PDE4D: variants seen among roughly 807,000 people sequenced by gnomAD.
PDE4D encodes phosphodiesterase 4D.
Under a neutral mutation model 87.4 loss-of-function variants are expected in PDE4D, and 24 were observed. The observed-to-expected ratio is 0.27, with a 90% CI of 0.20 to 0.39. PDE4D has a LOEUF of 0.39. Among genes scored for constraint, PDE4D ranks in the 10% least tolerant of loss-of-function variants. The pLI is 1.00. For missense variants in PDE4D, 714 were observed against 1,041.0 expected, an observed-to-expected ratio of 0.69 and a Z score of 4.32; for synonymous variants, 384 against 383.2, an observed-to-expected ratio of 1.00 and a Z score of -0.02.
intron 2 of PDE4D, among the ~76,000 whole-genome samples, chr5:60,034,206 G>C (rs1290415401): frequency 1.3e-5 from 2 of 152,218 alleles, no homozygotes; most frequent in Non-Finnish European, 2.9e-5. Flanking sequence ...AACATAGCTA[G>C]AGACAGGGTT....
At chr5:59,686,441 G>C (rs908457341) in intron 1 of PDE4D, among the ~76,000 whole-genome samples, 1 of 152,064 alleles carries the variant, frequency 6.6e-6, no homozygotes, top group African/African-American at 2.4e-5. Flanking sequence ...TCAGATTCTA[G>C]AGCCCACTTT....
At chr5:59,484,783 ACTGT>A (rs1465849135) in intron 1 of PDE4D, among the ~76,000 whole-genome samples, 3 of 152,196 alleles carry the variant, frequency 2.0e-5, no homozygotes, top group Non-Finnish European at 4.4e-5. Context: ...TCTGACAGTA[ACTGT>A]CTGGCTCTAG....
intron 1 of PDE4D, among the ~76,000 whole-genome samples, chr5:60,421,528 C>T (rs1362507178): frequency 2.0e-5 from 3 of 152,160 alleles, no homozygotes; most frequent in Admixed American, 2.0e-4. Flanking sequence ...CACCAAAACC[C>T]CATCTGTAGG....
In PDE4D at chr5:60,110,324, G is replaced by GA. The variant is rs201481187; in HGVS notation, c.42+75232dup. ...TACAAGGAACTCAAACAATTCAACA[G>GA]AAAAAAACAAATAAGGTGATTCAAA... is the stretch of plus-strand genomic sequence containing the variant. On this transcript the variant is annotated intron_variant, in intron 2 of 16. Coordinates refer to the PDE4D transcript ENST00000502484. Among the ~76,000 whole-genome samples the GA allele has an allele frequency of 7.4e-3, 1,125 of 151,904 alleles. 13 individuals are homozygous for GA. The highest frequency in any genetic ancestry group is 0.026 in the African/African-American group (1,079 of 41,476).
At chr5:59,722,355 A>C (rs771433593) in intron 1 of PDE4D, among the ~76,000 whole-genome samples, 1 of 152,210 alleles carries the variant, frequency 6.6e-6, no homozygotes, top group Non-Finnish European at 1.5e-5. Context: ...GAACAACCTG[A>C]ATTTAAAAGG....
chr5:59,492,371 G>A (rs1478690584), intron 1 of PDE4D, among the ~76,000 whole-genome samples: 1 of 152,156 alleles, frequency 6.6e-6, no homozygotes, highest in Non-Finnish European at 1.5e-5. Context: ...GGGAGAGTGA[G>A]GTTGCTCACA....
At chr5:59,404,013 A>T (rs1205144346) in intron 1 of PDE4D, among the ~76,000 whole-genome samples, 1 of 152,140 alleles carries the variant, frequency 6.6e-6, no homozygotes, top group Non-Finnish European at 1.5e-5. Flanking sequence ...GGGTGAGATA[A>T]TATTTAACTG....
At position 60,363,419 on chromosome 5, in the gene PDE4D, C is replaced by T. The variant is rs760728448; in HGVS notation, c.-90+124523G>A. 8.9e-4 allele frequency among the ~76,000 whole-genome samples: 135 copies of T among 152,258 alleles called. 1 individual carries two copies. Among genetic ancestry groups the T allele is most frequent in the Middle Eastern group, 3.4e-3 (1 of 294 alleles). ...AATTACATACCAATCAAGAGTCAAA[C>T]AGATTACAAGTAAAGCCACTGAATG... On this transcript the variant is annotated intron_variant, in intron 1 of 16. Transcript: ENST00000502484.
intron 1 of PDE4D, among the ~76,000 whole-genome samples, chr5:59,296,218 A>G (rs1216098063): frequency 6.6e-6 from 1 of 152,088 alleles, no homozygotes; most frequent in African/African-American, 2.4e-5. Flanking sequence ...TGGCTAATGC[A>G]TCAGTAGGGT....
At chr5:60,116,223 C>T (rs1393282915) in intron 2 of PDE4D, among the ~76,000 whole-genome samples, 1 of 152,080 alleles carries the variant, frequency 6.6e-6, no homozygotes, top group African/African-American at 2.4e-5. Context: ...GTCTCTCTTA[C>T]ATCTTCAGCA....
chr5:59,560,291 C>T (rs756129122), intron 1 of PDE4D, among the ~76,000 whole-genome samples: 1 of 152,014 alleles, frequency 6.6e-6, no homozygotes, highest in Admixed American at 6.6e-5. Context: ...TATTATGAAC[C>T]CACTACACGC....
chr5:60,468,130 C>CT (rs370784270), intron 1 of PDE4D, among the ~76,000 whole-genome samples: 1 of 126,186 alleles, frequency 7.9e-6, no homozygotes, highest in Non-Finnish European at 1.7e-5. Context: ...AACTTTCTTT[C>CT]TTTTTTCTTT....
At chr5:59,552,094 C>T (rs1343563045) in intron 1 of PDE4D, among the ~76,000 whole-genome samples, 1 of 152,128 alleles carries the variant, frequency 6.6e-6, no homozygotes, top group Non-Finnish European at 1.5e-5. Flanking sequence ...TGGTGGATGT[C>T]TGTAGACCTA....
chr5:59,193,461 A>G lies in PDE4D; in HGVS notation c.684+39T>C, dbSNP rs777597869. Reference sequence around the variant, plus strand: ...CTAATTCCCCAAATTAAATTTTTACATCTGTGAGAAACCTGCCCATTCACC... The same window carrying G: ...CTAATTCCCCAAATTAAATTTTTACGTCTGTGAGAAACCTGCCCATTCACC... On this transcript the variant is annotated intron_variant, in intron 3 of 14. Coordinates refer to ENST00000340635, the MANE Select transcript of PDE4D (RefSeq NM_001104631.2). 65 of 1,587,448 alleles carry G rather than the reference A, an allele frequency of 4.1e-5. 1 individual carries two copies. The South Asian group carries it at 7.1e-4, about 17-fold the overall frequency.
At chr5:59,013,408 A>G (rs1295955868) in intron 6 of PDE4D, among the ~76,000 whole-genome samples, 1 of 152,222 alleles carries the variant, frequency 6.6e-6, no homozygotes, top group Non-Finnish European at 1.5e-5. Flanking sequence ...CACTAGCAAG[A>G]CTAATAAAGA....
chr5:59,185,421 C>A (rs1320662249), intron 3 of PDE4D, among the ~76,000 whole-genome samples, 159 bp from the exon 4 acceptor site: 1 of 152,122 alleles, frequency 6.6e-6, no homozygotes, highest in East Asian at 1.9e-4. Context: ...GGTATCCACA[C>A]GAAATCCAGA....
At chr5:59,505,052 T>G (rs1461845296) in intron 1 of PDE4D, among the ~76,000 whole-genome samples, 1 of 152,014 alleles carries the variant, frequency 6.6e-6, no homozygotes, top group Non-Finnish European at 1.5e-5. Context: ...CTTATCTGAA[T>G]CCACACAATG....
chr5:59,528,254 G>A (rs1332755028), intron 1 of PDE4D, among the ~76,000 whole-genome samples: 2 of 152,162 alleles, frequency 1.3e-5, no homozygotes, highest in Non-Finnish European at 2.9e-5. Flanking sequence ...CTTGAGGGAG[G>A]AGTGACAATC....
intron 1 of PDE4D, among the ~76,000 whole-genome samples, chr5:60,305,670 A>G (rs747037352): frequency 7.3e-5 from 11 of 151,672 alleles, no homozygotes; most frequent in Non-Finnish European, 1.5e-4. Flanking sequence ...AGAAAAAAAA[A>G]TCCTGCAAGA....
Sources: allele counts gnomAD v4.1 joint callset (sites outside exome capture counted in the v4.1 genomes callset), GRCh38; gene constraint gnomAD v4.1.1; transcripts MANE v1.5; gene names NCBI Gene and HGNC (gene_info 2026-07-23, HGNC 2026-07-21).